The following MDGA2 variants were observed in gnomAD, a reference collection of about 807,000 sequenced individuals.
The protein encoded by MDGA2 is MAM domain-containing glycosylphosphatidylinositol anchor protein 2.
In MDGA2, 40 loss-of-function variants were observed where a neutral mutation model predicts 117.8. The ratio of observed to expected loss-of-function variants is 0.34; its 90% CI spans 0.26 to 0.44. The LOEUF is 0.44. Among genes scored for constraint, MDGA2 ranks in the 20% least tolerant of loss-of-function variants. The pLI is 1.00. For missense variants in MDGA2, 1,123 were observed against 1,250.6 expected (o/e 0.90, Z 1.54); for synonymous variants, 452 against 439.0 (o/e 1.03, Z -0.37).
intron 1 of MDGA2, among the ~76,000 whole-genome samples, chr14:47,627,199 T>C (rs541802673): frequency 8.1e-4 from 123 of 152,190 alleles, no homozygotes; most frequent in Non-Finnish European, 1.4e-3. Context: ...CAGCACCCCG[T>C]GCCTAGCTCA....
chr14:47,439,413 T>A lies in MDGA2; in HGVS notation c.281-137863A>T, dbSNP rs2138543675. ...TTACATAATCATTTATCACAAAATG[T>A]GCATAGCAATCAGTATCCAACAGCT... is the stretch of plus-strand genomic sequence containing the variant. On this transcript the variant is annotated intron_variant, in intron 1 of 16. Coordinates refer to ENST00000399232, the MANE Select transcript of MDGA2 (RefSeq NM_001113498.3). Among the ~76,000 whole-genome samples the A allele has an allele frequency of 1.3e-5, 2 of 152,234 alleles. 1 individual carries two copies. Among genetic ancestry groups the A allele is most frequent in the South Asian group, 4.1e-4 (2 of 4,826 alleles).
At chr14:47,160,580 A>C (rs758993306) in intron 3 of MDGA2, among the ~76,000 whole-genome samples, 1 of 152,268 alleles carries the variant, frequency 6.6e-6, no homozygotes, top group African/African-American at 2.4e-5. Context: ...GAATCACTTA[A>C]GCCCAGGAGG....
intron 7 of MDGA2, among the ~76,000 whole-genome samples, chr14:47,052,242 G>A (rs1309192979): frequency 6.6e-6 from 1 of 151,774 alleles, no homozygotes; most frequent in Non-Finnish European, 1.5e-5. Flanking sequence ...GAAGGGCACA[G>A]GAAGTATATA....
At chr14:47,598,230 A>G (rs753720686) in intron 1 of MDGA2, among the ~76,000 whole-genome samples, 2 of 152,194 alleles carry the variant, frequency 1.3e-5, no homozygotes, top group Non-Finnish European at 2.9e-5. Flanking sequence ...TGATGAAAAC[A>G]TAAAATATTA....
intron 2 of MDGA2, among the ~76,000 whole-genome samples, chr14:47,225,357 C>T (rs1231576601): frequency 6.6e-6 from 1 of 151,720 alleles, no homozygotes; most frequent in Non-Finnish European, 1.5e-5. Context: ...AAGACACATG[C>T]ACACGTATGT....
rs757603109 is a variant in MDGA2, at chr14:46,841,917, C to T, written c.*14G>A. 2 of 1,573,802 alleles carry T rather than the reference C, an allele frequency of 1.3e-6. No homozygotes were observed. The highest frequency in any genetic ancestry group is 2.3e-5 in the South Asian group (2 of 87,946). ...GTGCCTGGTGAATCTTTTATAGCCT[C>T]TGCCAGGATAAGGTCACCTTCGAGG... On this transcript the variant is annotated 3_prime_UTR_variant, in exon 17 of 17. Transcript: ENST00000399232.
rs915989769 is a variant in MDGA2 at position 47,189,215 on chromosome 14, C to T, written c.595+28806G>A. Among the ~76,000 whole-genome samples, 15 of 152,206 alleles carry T rather than the reference C, an allele frequency of 9.9e-5. No individual in the cohort carries two copies. In the East Asian group the frequency reaches 2.1e-3, roughly 22 times the overall value. ...TCTCACCCTACCATCCCCTCCCTCC[C>T]CCATCCATATATAGAAATACCCATA... is the stretch of plus-strand genomic sequence containing the variant. On this transcript the variant is annotated intron_variant, in intron 3 of 16. Transcript: ENST00000399232.
intron 5 of MDGA2, among the ~76,000 whole-genome samples, chr14:47,099,150 AC>A (rs1243459873): frequency 6.6e-6 from 1 of 151,946 alleles, no homozygotes; most frequent in Non-Finnish European, 1.5e-5. Flanking sequence ...AAAACAGCTA[AC>A]AATTTCAAGA....
intron 1 of MDGA2, among the ~76,000 whole-genome samples, chr14:47,659,169 T>C (rs1273013653): frequency 6.6e-6 from 1 of 152,202 alleles, no homozygotes; most frequent in Admixed American, 6.5e-5. Flanking sequence ...TAGGCTAAGA[T>C]TATGACCAAA....
chr14:47,580,675 A>T (rs1896213504), intron 1 of MDGA2, among the ~76,000 whole-genome samples: 1 of 152,074 alleles, frequency 6.6e-6, no homozygotes, highest in South Asian at 2.1e-4. Context: ...AAAGAAAAAA[A>T]AAGCCAGTAT....
At chr14:46,957,230 A>G (rs1595068077) in intron 9 of MDGA2, 144 bp downstream of exon 9, 1 of 778,028 alleles carries the variant, frequency 1.3e-6, no homozygotes, top group East Asian at 2.7e-5. Flanking sequence ...TTAAAAATAA[A>G]TTTGTAGAAA....
intron 8 of MDGA2, among the ~76,000 whole-genome samples, chr14:47,030,918 T>C (rs2138629160): frequency 6.6e-6 from 1 of 152,262 alleles, no homozygotes; most frequent in South Asian, 2.1e-4. Context: ...TTTTGTTTTC[T>C]AAAAATTAGC....
chr14:47,326,835 T>C (rs1259975145), intron 1 of MDGA2, among the ~76,000 whole-genome samples: 1 of 152,182 alleles, frequency 6.6e-6, no homozygotes, highest in East Asian at 1.9e-4. Flanking sequence ...AAATAATGTA[T>C]TGTTCCTTCC....
intron 1 of MDGA2, among the ~76,000 whole-genome samples, chr14:47,312,756 C>T: frequency 7.3e-6 from 1 of 137,322 alleles, no homozygotes. Context: ...TCTTGAACTC[C>T]TAGCCTCATA....
chr14:47,443,290 A>G (rs568717152), intron 1 of MDGA2, among the ~76,000 whole-genome samples: 2 of 152,280 alleles, frequency 1.3e-5, no homozygotes, highest in Admixed American at 1.3e-4. Context: ...TATAAAAGGC[A>G]TTAAATTTGT....
At chr14:47,312,693 G>GT (rs375332903) in intron 1 of MDGA2, among the ~76,000 whole-genome samples, 2,663 of 104,302 alleles carry the variant, frequency 0.026, 214 homozygotes, top group African/African-American at 0.039. Context: ...TTTTTGTTTT[G>GT]TTTTGTTTTT....
intron 1 of MDGA2, among the ~76,000 whole-genome samples, chr14:47,561,740 C>T (rs1895820938): frequency 6.6e-6 from 1 of 152,160 alleles, no homozygotes; most frequent in African/African-American, 2.4e-5. Context: ...CTTGATTGCA[C>T]TGTCCAGGAC....
At chr14:47,668,075 T>C (rs1898008857) in intron 1 of MDGA2, among the ~76,000 whole-genome samples, 1 of 152,212 alleles carries the variant, frequency 6.6e-6, no homozygotes, top group Non-Finnish European at 1.5e-5. Flanking sequence ...TCCTCTTCTG[T>C]AACTCCTAGG....
chr14:47,266,747 T>C (rs1887978184), intron 2 of MDGA2, among the ~76,000 whole-genome samples: 1 of 152,176 alleles, frequency 6.6e-6, no homozygotes. Context: ...ACAAGTAATT[T>C]TCTCTGCCTG....
Sources: gnomAD v4.1 joint callset for allele counts (sites outside exome capture counted in the v4.1 genomes callset) on GRCh38, gnomAD v4.1.1 for gene constraint, MANE v1.5 for transcripts, NCBI Gene and HGNC (gene_info 2026-07-23, HGNC 2026-07-21) for gene names.